The following CCDC150 variants were observed in gnomAD, a reference collection of about 807,000 sequenced individuals.
CCDC150 encodes coiled-coil domain-containing protein 150.
In CCDC150, 151 loss-of-function variants were observed where a neutral mutation model predicts 156.5. The ratio of observed to expected loss-of-function variants is 0.97; its 90% CI spans 0.85 to 1.10. CCDC150 has a LOEUF of 1.10. CCDC150 is among the 50% of genes least tolerant of loss of function. The probability of loss-of-function intolerance (pLI) is 0.00; values close to 1 mark genes in which losing one functional copy is unlikely to be tolerated. For synonymous variants in CCDC150, 452 were observed against 429.4 expected, an observed-to-expected ratio of 1.05 and a Z score of -0.65; for missense variants, 1,312 against 1,268.1, an observed-to-expected ratio of 1.03 and a Z score of -0.53.
At chr2:196,695,278 C>T (rs900972008) in intron 14 of CCDC150, 119 bp downstream of exon 14, 2 of 549,466 alleles carry the variant, frequency 3.6e-6, no homozygotes, top group African/African-American at 3.8e-5. Context: ...AAAATCTAAG[C>T]AGAGATTCTT....
intron 2 of CCDC150, among the ~76,000 whole-genome samples, chr2:196,651,259 C>T (rs763234763): frequency 2.0e-5 from 3 of 152,140 alleles, no homozygotes; most frequent in Non-Finnish European, 4.4e-5. Context: ...ATTATTGTAG[C>T]TATAGTTGTT....
intron 15 of CCDC150, among the ~76,000 whole-genome samples, chr2:196,710,436 C>G (rs1290411359): frequency 2.0e-5 from 3 of 152,174 alleles, no homozygotes; most frequent in Non-Finnish European, 4.4e-5. Context: ...AAGGGAAATC[C>G]CCTGACCCCC....
chr2:196,694,951 G>A, intron 13 of CCDC150, 95 bp from the exon 14 acceptor site: 1 of 649,898 alleles, frequency 1.5e-6, no homozygotes, highest in Non-Finnish European at 2.7e-6. Flanking sequence ...GGACAATACT[G>A]TCCATTTTAC....
intron 15 of CCDC150, among the ~76,000 whole-genome samples, chr2:196,702,746 G>A (rs922528895): frequency 1.3e-5 from 2 of 151,562 alleles, no homozygotes; most frequent in Admixed American, 6.6e-5. Context: ...AGCCCAGTTA[G>A]GCTTGGCAAC....
Position 196,732,141 on chromosome 2 carries a change from T to C in CCDC150, c.3178T>C (p.Trp1060Arg). The change falls in exon 27 of 28, where the codon TGG becomes CGG. Residue 1060 changes from tryptophan to arginine, a missense_variant. Trp to Arg is a moderately radical substitution (Grantham distance 101). Coordinates refer to ENST00000389175, the MANE Select transcript of CCDC150 (RefSeq NM_001080539.2). ...GCAGAGGCCTTCTGGGGAAGACAGG[T>C]GGCAGGAAAAGGTAAGATTAAGACA... Reference protein sequence around the residue: ...RLQRPSGEDRWQEKDQDVKHD... With the variant: ...RLQRPSGEDRRQEKDQDVKHD... 6.2e-7 allele frequency: 1 copy of C among 1,613,864 alleles called. No homozygotes were observed. Among genetic ancestry groups the C allele is most frequent in the Non-Finnish European group, 8.5e-7 (1 of 1,179,830 alleles).
chr2:196,657,185 TGGAGG>T, intron 4 of CCDC150, 49 bp downstream of exon 4: 1 of 1,566,062 alleles, frequency 6.4e-7, no homozygotes, highest in Non-Finnish European at 8.8e-7. Flanking sequence ...ATGTGTTAGC[TGGAGG>T]AGGTAACAGA....
At chr2:196,701,023 G>A in intron 14 of CCDC150, 86 bp from the exon 15 acceptor site, 1 of 806,878 alleles carries the variant, frequency 1.2e-6, no homozygotes, top group Non-Finnish European at 2.0e-6. Context: ...GATAGAAATG[G>A]TAAGGATGTA....
At chr2:196,679,236 A>T (rs1488982533) in intron 13 of CCDC150, among the ~76,000 whole-genome samples, 1 of 152,164 alleles carries the variant, frequency 6.6e-6, no homozygotes, top group Non-Finnish European at 1.5e-5. Context: ...TGACACATAA[A>T]ATCATGTAAC....
intron 17 of CCDC150, among the ~76,000 whole-genome samples, chr2:196,717,179 A>G (rs1303866913): frequency 6.6e-6 from 1 of 152,050 alleles, no homozygotes; most frequent in African/African-American, 2.4e-5. Context: ...GTGAGCCACC[A>G]CGCCCAGCCT....
At chr2:196,726,669 G>A (rs1698225387) in intron 22 of CCDC150, 1 of 153,180 alleles carries the variant, frequency 6.5e-6, no homozygotes, top group Non-Finnish European at 1.5e-5. Context: ...GTACAGGATT[G>A]AGACTAGCAG....
At chr2:196,682,936 G>A (rs2125628788) in intron 13 of CCDC150, among the ~76,000 whole-genome samples, 1 of 151,908 alleles carries the variant, frequency 6.6e-6, no homozygotes, top group Middle Eastern at 3.4e-3. Context: ...TCGAACTCCT[G>A]GGCTCTCTAT....
At position 196,732,665 on chromosome 2, in the gene CCDC150, C is replaced by A; in HGVS notation, c.*103C>A. 1.3e-6 allele frequency: 1 copy of A among 759,274 alleles called. No individual in the cohort carries two copies. The highest frequency in any genetic ancestry group is 2.1e-5 in the Admixed American group (1 of 48,378). 47.0% of individuals were successfully genotyped at this position (759,274 alleles called of 1,614,324 possible). A position where few individuals can be genotyped will look rare whatever the true frequency, so the allele number is the denominator to read the frequency against. On this transcript the variant is annotated 3_prime_UTR_variant, in exon 28 of 28. Transcript: ENST00000389175. ...TTCTAGAGTCATAAGAACATGAAGTCTTTGATGTGGGCTGAAGATTTTGGA... is the reference window on the plus strand; with the variant it reads ...TTCTAGAGTCATAAGAACATGAAGTATTTGATGTGGGCTGAAGATTTTGGA...
chr2:196,655,462 C>T (rs377130673), intron 2 of CCDC150, among the ~76,000 whole-genome samples: 3 of 152,272 alleles, frequency 2.0e-5, no homozygotes, highest in African/African-American at 7.2e-5. Flanking sequence ...GGGGAGAAGT[C>T]TTGGCAAGTA....
intron 7 of CCDC150, chr2:196,667,139 C>A: frequency 2.6e-6 from 1 of 391,672 alleles, no homozygotes. Context: ...GAATATTGGG[C>A]AAAAAAAGTA....
intron 4 of CCDC150, 179 bp downstream of exon 4, chr2:196,657,315 A>G (rs1024987988): frequency 5.2e-6 from 3 of 580,108 alleles, no homozygotes; most frequent in Non-Finnish European, 9.2e-6. Context: ...GATAACCTAA[A>G]CCACTGTGTG....
intron 16 of CCDC150, 171 bp from the exon 17 acceptor site, chr2:196,712,506 C>T: frequency 1.7e-6 from 1 of 605,020 alleles, no homozygotes. Flanking sequence ...ACTCCATAAA[C>T]TTTATTAGAG....
rs900390954 is a variant in CCDC150 at position 196,732,479 on chromosome 2, C to A, written c.3223C>A (p.Gln1075Lys). Residue 1075 changes from glutamine to lysine, a missense_variant, in exon 28 of 28, where the codon CAA (glutamine) becomes AAA (lysine). By Grantham distance (53) the Gln-to-Lys change is moderately conservative (BLOSUM62 1). Transcript: ENST00000389175. ...TGTAAAACATGATGTCATGTCCAACCAATCTGTTCTGCATCGATGGGAGAG... is the reference window on the plus strand; with the variant it reads ...TGTAAAACATGATGTCATGTCCAACAAATCTGTTCTGCATCGATGGGAGAG... ...QDVKHDVMSN[Q>K]SVLHRWERKQ... The A allele has an allele frequency of 1.2e-6, 2 of 1,613,522 alleles. No homozygotes were observed. Among genetic ancestry groups the A allele is most frequent in the African/African-American group, 1.3e-5 (1 of 74,916 alleles).
At chr2:196,694,303 G>T (rs1321232783) in intron 13 of CCDC150, among the ~76,000 whole-genome samples, 4 of 152,044 alleles carry the variant, frequency 2.6e-5, no homozygotes, top group Non-Finnish European at 4.4e-5. Context: ...TGATCCACCT[G>T]CCTCAGCCTC....
At chr2:196,713,705 A>T in intron 17 of CCDC150, 1 of 1,386,706 alleles carries the variant, frequency 7.2e-7, no homozygotes, top group Non-Finnish European at 9.4e-7. Context: ...CCACAAATTA[A>T]ATCTTAAGGA....
Sources: gnomAD v4.1 joint callset for allele counts (sites outside exome capture counted in the v4.1 genomes callset) on GRCh38, gnomAD v4.1.1 for gene constraint, MANE v1.5 for transcripts, NCBI Gene and HGNC (gene_info 2026-07-23, HGNC 2026-07-21) for gene names.